The following FRAS1 variants were observed in gnomAD, a reference collection of about 807,000 sequenced individuals.
The protein encoded by FRAS1 is extracellular matrix organizing protein FRAS1.
Under a neutral mutation model 435.2 loss-of-function variants are expected in FRAS1, and 290 were observed. That is an observed-to-expected ratio of 0.67 (90% CI 0.61 to 0.73). The LOEUF (loss-of-function observed/expected upper bound fraction) is 0.73, where lower values mean the gene tolerates loss of function less well. Ranked by LOEUF, FRAS1 falls within the 30% of genes least tolerant of loss-of-function variation. The pLI is 0.00. For missense variants in FRAS1, 4,860 were observed against 5,001.5 expected, an observed-to-expected ratio of 0.97 and a Z score of 0.85; for synonymous variants, 1,800 against 1,851.0, an observed-to-expected ratio of 0.97 and a Z score of 0.71.
At chr4:78,389,861 T>C (rs941310597) in intron 29 of FRAS1, among the ~76,000 whole-genome samples, 1 of 152,186 alleles carries the variant, frequency 6.6e-6, no homozygotes, top group Non-Finnish European at 1.5e-5. Flanking sequence ...GGAAATTTAA[T>C]TCATAAATAA....
At chr4:78,201,354 A>G (rs1369862343) in intron 2 of FRAS1, among the ~76,000 whole-genome samples, 2 of 152,270 alleles carry the variant, frequency 1.3e-5, no homozygotes, top group Non-Finnish European at 2.9e-5. Context: ...ACAAAATACT[A>G]GTTAATTGGA....
At chr4:78,148,942 A>T (rs1218955717) in intron 2 of FRAS1, among the ~76,000 whole-genome samples, 2 of 152,248 alleles carry the variant, frequency 1.3e-5, no homozygotes, top group Non-Finnish European at 1.5e-5. Context: ...TGGCAGCAGA[A>T]GGACCCCAAG....
intron 2 of FRAS1, among the ~76,000 whole-genome samples, chr4:78,231,483 C>T (rs1044174381): frequency 2.6e-5 from 4 of 152,060 alleles, no homozygotes; most frequent in African/African-American, 9.6e-5. Context: ...ATTATATCTA[C>T]ATACTGTTTT....
chr4:78,125,048 T>G (rs921069389), intron 2 of FRAS1, among the ~76,000 whole-genome samples: 5 of 152,218 alleles, frequency 3.3e-5, no homozygotes, highest in Non-Finnish European at 7.3e-5. Flanking sequence ...ATGTGTTTAC[T>G]CTTGCTTCTC....
chr4:78,470,984 G>A (rs1373338694), intron 51 of FRAS1, among the ~76,000 whole-genome samples: 1 of 152,200 alleles, frequency 6.6e-6, no homozygotes, highest in African/African-American at 2.4e-5. Flanking sequence ...GGCAGGCAGA[G>A]GCTCAGCTAA....
In FRAS1 at chr4:78,081,975, T is replaced by C. The variant is rs192933113; in HGVS notation, c.108+15959T>C. On this transcript the variant is annotated intron_variant, in intron 2 of 73. Transcript: ENST00000512123. ...GCTCTTCTTGTTTAAATTCTTTTTT[T>C]CCCGCATCTTACTCATATTCCACTC... Among the ~76,000 whole-genome samples, 69 of 152,262 alleles carry C rather than the reference T, an allele frequency of 4.5e-4. 1 individual carries two copies. The highest frequency in any genetic ancestry group is 3.4e-3 in the Middle Eastern group (1 of 294).
intron 12 of FRAS1, 62 bp from the exon 13 acceptor site, chr4:78,284,343 G>A (rs1727476409): frequency 6.7e-7 from 1 of 1,495,334 alleles, no homozygotes; most frequent in African/African-American, 1.4e-5. Flanking sequence ...TTTTCTGAAG[G>A]ATGTAAGAGA....
At chr4:78,239,151 C>T (rs921361101) in intron 3 of FRAS1, among the ~76,000 whole-genome samples, 1 of 152,272 alleles carries the variant, frequency 6.6e-6, no homozygotes, top group East Asian at 1.9e-4. Flanking sequence ...CAGAAAAAGT[C>T]TCCCATCTTT....
At chr4:78,290,023 G>GC (rs1248075023) in intron 14 of FRAS1, among the ~76,000 whole-genome samples, 1 of 152,066 alleles carries the variant, frequency 6.6e-6, no homozygotes, top group Non-Finnish European at 1.5e-5. Flanking sequence ...TGCTTGTCTT[G>GC]CCCCTCTGTT....
chr4:78,425,351 AT>A (rs1733957128), intron 35 of FRAS1, among the ~76,000 whole-genome samples: 1 of 152,168 alleles, frequency 6.6e-6, no homozygotes, highest in African/African-American at 2.4e-5. Flanking sequence ...CAGGATGCCA[AT>A]CAGCAAAAGC....
intron 14 of FRAS1, among the ~76,000 whole-genome samples, chr4:78,304,163 G>T (rs1184339240): frequency 3.3e-5 from 5 of 149,814 alleles, no homozygotes; most frequent in Non-Finnish European, 5.9e-5. Context: ...TACATTTATT[G>T]ATTTGCTTAT....
At chr4:78,423,683 C>T (rs1470332674) in intron 34 of FRAS1, among the ~76,000 whole-genome samples, 2 of 152,158 alleles carry the variant, frequency 1.3e-5, no homozygotes, top group African/African-American at 2.4e-5. Context: ...GTTAACTCCT[C>T]AATTAGATTG....
intron 2 of FRAS1, among the ~76,000 whole-genome samples, chr4:78,083,904 A>G (rs1741022054): frequency 1.3e-5 from 2 of 152,096 alleles, no homozygotes; most frequent in African/African-American, 4.8e-5. Context: ...ATGGAGCTAT[A>G]ATCCATCTAA....
At chr4:78,373,971 A>C in intron 24 of FRAS1, 140 bp from the exon 25 acceptor site, 1 of 636,448 alleles carries the variant, frequency 1.6e-6, no homozygotes, top group African/African-American at 1.8e-5. Context: ...CAGAACCCAG[A>C]CTCCTTGACT....
rs542969837 is a variant in FRAS1 at position 78,279,398 on chromosome 4, A to C, written c.1071+654A>C. Among the ~76,000 whole-genome samples, 5 of 152,316 alleles carry C rather than the reference A, an allele frequency of 3.3e-5. No individual in the cohort carries two copies. The South Asian group carries it at 6.2e-4, about 19-fold the overall frequency. On this transcript the variant is annotated intron_variant, in intron 10 of 73. Coordinates refer to ENST00000512123, the MANE Select transcript of FRAS1 (RefSeq NM_025074.7). ...AGAGCGCTGGGCTCTCGCTTAACTC[A>C]TGACAGGACCACTTTGGCTGCTGCA... is the stretch of plus-strand genomic sequence containing the variant.
chr4:78,442,886 A>G (rs1734712241), intron 41 of FRAS1, among the ~76,000 whole-genome samples: 1 of 152,244 alleles, frequency 6.6e-6, no homozygotes. Context: ...CAAGGACCAC[A>G]CTTAGAGAAC....
intron 6 of FRAS1, among the ~76,000 whole-genome samples, chr4:78,256,350 T>C (rs1464284125): frequency 6.6e-6 from 1 of 152,254 alleles, no homozygotes; most frequent in Non-Finnish European, 1.5e-5. Context: ...GCAGATGAGC[T>C]TGTTCATAGA....
rs1734162154 is a variant in FRAS1 at position 78,430,295 on chromosome 4, T to G, written c.4847T>G (p.Leu1616Arg). 1 of 1,613,924 alleles carries G rather than the reference T, an allele frequency of 6.2e-7. No individual in the cohort carries two copies. Among genetic ancestry groups the G allele is most frequent in the Non-Finnish European group, 8.5e-7 (1 of 1,179,872 alleles). ...CGCTTCCTTCTCCTTGCTGCAGGAC[T>G]TCAGGTGGTAGTAAGAGATGCTGAG... ...VSPGGSTSVG[L>R]QVVVRDAETA... The change falls in exon 37 of 74, where the codon CTT becomes CGT. Residue 1616 changes from leucine to arginine, a missense_variant. By Grantham distance (102) the Leu-to-Arg change is moderately radical (BLOSUM62 -2). Coordinates refer to ENST00000512123, the MANE Select transcript of FRAS1 (RefSeq NM_025074.7).
chr4:78,335,023 A>AG (rs58091195), intron 19 of FRAS1, among the ~76,000 whole-genome samples: 14,552 of 151,988 alleles, frequency 0.096, 2,079 homozygotes, highest in African/African-American at 0.31. Flanking sequence ...AGCATCCCAA[A>AG]TCGCGGGATT....
Sources: gnomAD v4.1 joint callset for allele counts (sites outside exome capture counted in the v4.1 genomes callset) on GRCh38, gnomAD v4.1.1 for gene constraint, MANE v1.5 for transcripts, NCBI Gene and HGNC (gene_info 2026-07-23, HGNC 2026-07-21) for gene names.